The following CPLANE1 variants were observed in gnomAD, a reference collection of about 807,000 sequenced individuals.
CPLANE1 encodes ciliogenesis and planar polarity effector 1.
CPLANE1 carries 263 observed loss-of-function variants against 362.5 expected under a neutral mutation model. That is an observed-to-expected ratio of 0.73 (90% CI 0.66 to 0.80). CPLANE1 has a LOEUF of 0.80. Ranked by LOEUF, CPLANE1 falls within the 30% of genes least tolerant of loss-of-function variation. The pLI is 0.00. For missense variants in CPLANE1, 3,461 were observed against 3,793.4 expected, an observed-to-expected ratio of 0.91 and a Z score of 2.30; for synonymous variants, 1,212 against 1,302.6, an observed-to-expected ratio of 0.93 and a Z score of 1.50.
At chr5:37,235,295 TGAG>T (rs1256872712) in intron 8 of CPLANE1, among the ~76,000 whole-genome samples, 5 of 152,146 alleles carry the variant, frequency 3.3e-5, no homozygotes, top group Admixed American at 1.3e-4. Flanking sequence ...AAGATCTCTA[TGAG>T]GAGAACACTG....
intron 38 of CPLANE1, among the ~76,000 whole-genome samples, chr5:37,160,516 C>T (rs1776548181): frequency 6.7e-6 from 1 of 150,288 alleles, no homozygotes; most frequent in Non-Finnish European, 1.5e-5. Context: ...GCCAAGATTG[C>T]ACCACTGCAC....
At chr5:37,235,622 G>A (rs1798809459) in intron 8 of CPLANE1, among the ~76,000 whole-genome samples, 1 of 143,852 alleles carries the variant, frequency 7.0e-6, no homozygotes, top group Admixed American at 7.2e-5. Flanking sequence ...ACCCAGGCTG[G>A]AGAGCAGTGG....
chr5:37,117,508 T>C (rs1425772992), intron 50 of CPLANE1, among the ~76,000 whole-genome samples: 1 of 152,112 alleles, frequency 6.6e-6, no homozygotes, highest in African/African-American at 2.4e-5. Context: ...AAATTGATTA[T>C]ATCAGCGTGG....
intron 16 of CPLANE1, chr5:37,211,855 A>G (rs1278071235): frequency 1.3e-6 from 1 of 789,022 alleles, no homozygotes; most frequent in African/African-American, 1.7e-5. Flanking sequence ...TCTTTTGAAT[A>G]TGCACGGAAT....
At chr5:37,247,993 T>A (rs1042274028) in intron 1 of CPLANE1, among the ~76,000 whole-genome samples, 28 of 151,866 alleles carry the variant, frequency 1.8e-4, no homozygotes, top group Non-Finnish European at 8.8e-5. Context: ...TTTCACCATG[T>A]TGGCCAGGCT....
chr5:37,244,476 A>G lies in CPLANE1; in HGVS notation c.469T>C (p.Leu157=). 3 of 1,552,052 alleles carry G rather than the reference A, an allele frequency of 1.9e-6. No homozygotes were observed. Among genetic ancestry groups the G allele is most frequent in the Non-Finnish European group, 2.6e-6 (3 of 1,147,056 alleles). Residue 157 remains leucine (L), a synonymous_variant, in exon 5 of 53, where the codon TTG becomes CTG. Coordinates refer to ENST00000651892, the MANE Select transcript of CPLANE1 (RefSeq NM_001384732.1). ...ATGACCTGGGACCACCGACCCGCCA[A>G]TGAAAGGCTTTTAGAAGATAAGATA... ...KNILSSKSLS[L]AGRWSQVIPE... is the part of the protein sequence containing the mutation.
chr5:37,123,551 CTTATT>C (rs1763255907), intron 47 of CPLANE1, among the ~76,000 whole-genome samples: 1 of 152,178 alleles, frequency 6.6e-6, no homozygotes, highest in Non-Finnish European at 1.5e-5. Flanking sequence ...TTAGAGTTTA[CTTATT>C]TTGAGACAAG....
chr5:37,102,341 T>C (rs1182681481), downstream of CPLANE1, among the ~76,000 whole-genome samples: 2 of 152,002 alleles, frequency 1.3e-5, no homozygotes, highest in Non-Finnish European at 2.9e-5. Flanking sequence ...GCTTGCACCA[T>C]CATGACCGGC....
chr5:37,105,664 T>C (rs1481297950), downstream of CPLANE1, among the ~76,000 whole-genome samples: 6 of 152,140 alleles, frequency 3.9e-5, 1 homozygote, highest in South Asian at 6.2e-4. Flanking sequence ...AATTGACAAA[T>C]AGAATTACAT....
chr5:37,145,779 T>G (rs909165975), intron 43 of CPLANE1, among the ~76,000 whole-genome samples: 2 of 151,998 alleles, frequency 1.3e-5, no homozygotes, highest in African/African-American at 4.8e-5. Context: ...AAAACCACCA[T>G]GAAATAAGAT....
rs1796061500 is a variant in CPLANE1, at chr5:37,224,698, C to T, written c.2334G>A (p.Trp778Ter). Residue 778 changes from tryptophan (W) to a stop codon, truncating the protein, a stop_gained, in exon 13 of 53, where the codon TGG (tryptophan) becomes TGA (stop). Coordinates refer to ENST00000651892, the MANE Select transcript of CPLANE1 (RefSeq NM_001384732.1). LOFTEE classifies it high-confidence loss of function. ...LWRILYKKTLWYQAQLNRRVP... is the reference protein window; with the variant it reads ...LWRILYKKTL ...CTCTTCGATTTAATTGTGCTTGATACCATAAAGTTTTTTTGTACAGTATTC... is the reference window on the plus strand; with the variant it reads ...CTCTTCGATTTAATTGTGCTTGATATCATAAAGTTTTTTTGTACAGTATTC... 1 of 1,551,380 alleles carries T rather than the reference C, an allele frequency of 6.4e-7. No individual in the cohort carries two copies. The highest frequency in any genetic ancestry group is 8.7e-7 in the Non-Finnish European group (1 of 1,146,852).
At chr5:37,247,568 C>T (rs1740149561) in intron 2 of CPLANE1, 50 bp downstream of exon 2, 5 of 1,467,798 alleles carry the variant, frequency 3.4e-6, no homozygotes, top group Non-Finnish European at 4.6e-6. Context: ...AGGCAAAACA[C>T]ACATATAACA....
rs557347733 is a variant in CPLANE1, at chr5:37,167,180, G to A, written c.7267C>T (p.Leu2423Phe). The A allele has an allele frequency of 4.1e-5, 66 of 1,612,756 alleles. 1 individual carries two copies. In the South Asian group the frequency reaches 4.9e-4, roughly 12 times the overall value. The change falls in exon 35 of 53, where the codon CTC becomes TTC. Residue 2423 changes from leucine to phenylalanine, a missense_variant. Transcript: ENST00000651892. ...KKTQLIPLENLIAFKQSQQKL... is the reference protein window; with the variant it reads ...KKTQLIPLENFIAFKQSQQKL... Reference sequence around the variant, plus strand: ...TGTTGGCTTTGTTTAAACGCAATGAGGTTTTCAAGTGGGATAAGTTGTGTT... The same window carrying A: ...TGTTGGCTTTGTTTAAACGCAATGAAGTTTTCAAGTGGGATAAGTTGTGTT...
Position 37,148,210 on chromosome 5 carries a change from G to A in CPLANE1, c.8432C>T (p.Ala2811Val), listed in dbSNP as rs140657139. 85 of 1,612,892 alleles carry A rather than the reference G, an allele frequency of 5.3e-5. No homozygotes were observed. The highest frequency in any genetic ancestry group is 2.7e-4 in the East Asian group (12 of 44,852). The change falls in exon 43 of 53, where the codon GCT becomes GTT. Residue 2811 changes from alanine to valine, a missense_variant. By Grantham distance (64) the Ala-to-Val change is moderately conservative (BLOSUM62 0). Transcript: ENST00000651892. ...TTCAGAAATGCTAATGGTTTTTGAA[G>A]CTAATGTTTTTTTGAATTCAGGGCC... The part of the protein sequence containing the change: ...SSGPEFKKTL[A>V]SKTISISEEV...
chr5:37,206,749 A>G (rs1489356976), intron 16 of CPLANE1, among the ~76,000 whole-genome samples: 1 of 152,202 alleles, frequency 6.6e-6, no homozygotes, highest in East Asian at 1.9e-4. Flanking sequence ...GGTAATATGT[A>G]AACACATACA....
chr5:37,153,779 A>T lies in CPLANE1; in HGVS notation c.8334T>A (p.Asp2778Glu), dbSNP rs1561422816. The change falls in exon 42 of 53, where the codon GAT (aspartate) becomes GAA (glutamate). Residue 2778 changes from aspartate (D) to glutamate (E), a missense_variant. Coordinates refer to ENST00000651892, the MANE Select transcript of CPLANE1 (RefSeq NM_001384732.1). ...IQNIAENIEQ[D>E]FPKPEMLDLH... ...GATCTAGCATTTCAGGCTTGGGGAA[A>T]TCCTGTTCTATGTTTTCAGCAATGT... The T allele has an allele frequency of 6.2e-7, 1 of 1,613,834 alleles. No homozygotes were observed. The highest frequency in any genetic ancestry group is 8.5e-7 in the Non-Finnish European group (1 of 1,179,830).
At chr5:37,113,521 G>A (rs1003425368) in intron 51 of CPLANE1, among the ~76,000 whole-genome samples, 5 of 152,160 alleles carry the variant, frequency 3.3e-5, no homozygotes, top group East Asian at 1.9e-4. Context: ...ATGATGCTTC[G>A]AGGATTCAAA....
At chr5:37,128,157 G>A (rs1764757395) in intron 46 of CPLANE1, among the ~76,000 whole-genome samples, 1 of 152,134 alleles carries the variant, frequency 6.6e-6, no homozygotes, top group Non-Finnish European at 1.5e-5. Context: ...TTGAGATTGG[G>A]TTATGAGACT....
chr5:37,212,027 G>A, intron 16 of CPLANE1: 2 of 965,020 alleles, frequency 2.1e-6, no homozygotes, highest in East Asian at 2.4e-5. Flanking sequence ...AACAGCAAGT[G>A]AAAGAACGAA....
Sources: allele counts gnomAD v4.1 joint callset (sites outside exome capture counted in the v4.1 genomes callset), GRCh38; gene constraint gnomAD v4.1.1; transcripts MANE v1.5; gene names NCBI Gene and HGNC (gene_info 2026-07-23, HGNC 2026-07-21).